Variants in FLT1 observed in about 807,000 individuals in gnomAD.
The protein encoded by FLT1 is fms related receptor tyrosine kinase 1.
A neutral mutation model predicts 156.3 loss-of-function variants in FLT1; 49 were observed. The ratio of observed to expected loss-of-function variants is 0.31; its 90% confidence interval spans 0.25 to 0.40. FLT1 has a LOEUF of 0.40. FLT1 is among the 10% of genes least tolerant of loss of function. The pLI is 1.00. For synonymous variants in FLT1, 594 were observed against 583.8 expected (o/e 1.02, Z -0.25); for missense variants, 1,322 against 1,637.2 (o/e 0.81, Z 3.32).
intron 6 of FLT1, among the ~76,000 whole-genome samples, chr13:28,431,903 G>C (rs111266059): frequency 0.015 from 2,028 of 131,508 alleles, 58 homozygotes; most frequent in African/African-American, 0.053. Context: ...GTGGAATAAT[G>C]CTATAGTTTC....
intron 14 of FLT1, chr13:28,368,668 G>A: frequency 1.1e-6 from 1 of 881,942 alleles, no homozygotes; most frequent in Non-Finnish European, 1.9e-6. Flanking sequence ...ACAGTTCTAG[G>A]TACACAGTAA....
Position 28,369,705 on chromosome 13 carries a change from A to G in FLT1, c.2117-12020T>C, listed in dbSNP as rs533264523. ...AAAAGAAAAAAAGTTGACGTATGGG[A>G]TAATTTGAGACACAGTGAAAAGCAG... On this transcript the variant is annotated intron_variant, in intron 14 of 29. Transcript: ENST00000282397. Among the ~76,000 whole-genome samples the G allele has an allele frequency of 4.6e-5, 7 of 152,326 alleles. No homozygotes were observed. The South Asian group carries it at 1.4e-3, about 32-fold the overall frequency.
intron 3 of FLT1, among the ~76,000 whole-genome samples, chr13:28,459,600 G>A (rs1427171185): frequency 1.3e-5 from 2 of 152,158 alleles, no homozygotes. Flanking sequence ...ATAACGTCAT[G>A]GATTTCCTAA....
intron 27 of FLT1, among the ~76,000 whole-genome samples, chr13:28,310,754 T>A (rs1370272792): frequency 6.6e-6 from 1 of 152,208 alleles, no homozygotes; most frequent in South Asian, 2.1e-4. Context: ...GCTTTGTTTG[T>A]TTAGTTTTAT....
At position 28,300,858 on chromosome 13, in the gene FLT1, T is replaced by C. The variant is rs1870485444; in HGVS notation, c.*2309A>G. The C allele has an allele frequency of 4.3e-6, 1 of 233,244 alleles. No homozygotes were observed. Among genetic ancestry groups the C allele is most frequent in the Non-Finnish European group, 8.5e-6 (1 of 118,030 alleles). 14.4% of individuals were successfully genotyped at this position (233,244 alleles called of 1,614,324 possible). The stretch of plus-strand genomic sequence containing the variant: ...TGGCAAATGATTGGAATATTATCAG[T>C]TAATTCATGTTTCAATTTTCAGTGC... On this transcript the variant is annotated 3_prime_UTR_variant, in exon 30 of 30. Transcript: ENST00000282397.
chr13:28,314,618 C>T (rs1361991490), intron 25 of FLT1, among the ~76,000 whole-genome samples: 1 of 152,154 alleles, frequency 6.6e-6, no homozygotes, highest in Non-Finnish European at 1.5e-5. Flanking sequence ...CCCAAATACA[C>T]ACCGCTTTAG....
intron 16 of FLT1, among the ~76,000 whole-genome samples, chr13:28,342,323 C>T (rs933713475): frequency 6.6e-6 from 1 of 152,150 alleles, no homozygotes; most frequent in Non-Finnish European, 1.5e-5. Flanking sequence ...CTGTCTCAAG[C>T]CTTGCTTTCT....
Position 28,314,399 on chromosome 13 carries a change from GA to G in FLT1, c.3387-2302del, listed in dbSNP as rs1004678433. Among the ~76,000 whole-genome samples the G allele has an allele frequency of 2.9e-3, 428 of 147,082 alleles. 1 individual carries two copies. Among genetic ancestry groups the G allele is most frequent in the African/African-American group, 9.5e-3 (381 of 40,150 alleles). On this transcript the variant is annotated intron_variant, in intron 25 of 29. Transcript: ENST00000282397. The stretch of plus-strand genomic sequence containing the variant: ...CATCTCAGCAAACATCAAATGAAAA[GA>G]AAAAAAAAATAAAAAAATTCATTGC...
chr13:28,466,075 G>A (rs769057010), intron 3 of FLT1, among the ~76,000 whole-genome samples: 12 of 151,914 alleles, frequency 7.9e-5, no homozygotes, highest in South Asian at 2.1e-4. Flanking sequence ...GTGTGTGTGC[G>A]TTTTTTTCTT....
chr13:28,311,872 C>T, intron 26 of FLT1, 121 bp downstream of exon 26: 1 of 1,089,924 alleles, frequency 9.2e-7, no homozygotes, highest in Non-Finnish European at 1.4e-6. Context: ...CACACACACA[C>T]ACCCTTTTTT....
At chr13:28,450,798 C>T (rs1308268923) in intron 3 of FLT1, among the ~76,000 whole-genome samples, 1 of 152,194 alleles carries the variant, frequency 6.6e-6, no homozygotes, top group African/African-American at 2.4e-5. Context: ...GACTGTCCCA[C>T]AAGCACAGGA....
chr13:28,353,072 G>A (rs572050519), intron 15 of FLT1, among the ~76,000 whole-genome samples: 1 of 152,260 alleles, frequency 6.6e-6, no homozygotes, highest in South Asian at 2.1e-4. Context: ...GTGACAACGT[G>A]CAATCGTTTG....
At chr13:28,480,290 G>A (rs1880763385) in intron 1 of FLT1, among the ~76,000 whole-genome samples, 2 of 151,506 alleles carry the variant, frequency 1.3e-5, no homozygotes, top group African/African-American at 2.4e-5. Flanking sequence ...TTTTTTGAAC[G>A]TATACCGATA....
intron 9 of FLT1, 44 bp downstream of exon 9, chr13:28,427,708 T>A: frequency 1.3e-6 from 2 of 1,537,396 alleles, no homozygotes; most frequent in Non-Finnish European, 1.8e-6. Flanking sequence ...TTCACTAATT[T>A]GTTGCCTACC....
chr13:28,368,410 C>T, intron 14 of FLT1: 33 of 1,414,474 alleles, frequency 2.3e-5, no homozygotes, highest in Non-Finnish European at 3.0e-5. Context: ...CCTTGGCCTC[C>T]CAAAGTGCTG....
rs2138859344 is a variant in FLT1 at position 28,345,511 on chromosome 13, T to C, written c.2289A>G (p.Thr763=). ...DKSNLELITL[T]CTCVAATLFW... ...AGAGAGTCGCAGCCACACAGGTGCA[T>C]GTTAGAGTGATCAGCTCCAGATTAG... The change falls in exon 16 of 30, where the codon ACA becomes ACG. Residue 763 remains threonine (T), a synonymous_variant. Transcript: ENST00000282397. 18 of 1,613,160 alleles carry C rather than the reference T, an allele frequency of 1.1e-5. No homozygotes were observed. The highest frequency in any genetic ancestry group is 1.5e-5 in the Non-Finnish European group (18 of 1,179,446).
chr13:28,467,222 G>A (rs1256829645), intron 2 of FLT1, 93 bp from the exon 3 acceptor site: 2 of 962,414 alleles, frequency 2.1e-6, no homozygotes, highest in Non-Finnish European at 3.3e-6. Context: ...GGAAGCGGAG[G>A]TCCTCTCTTA....
At chr13:28,308,479 C>T (rs1433907408) in intron 28 of FLT1, 9 of 334,450 alleles carry the variant, frequency 2.7e-5, no homozygotes, top group South Asian at 8.3e-5. Context: ...CTTGCAGGAA[C>T]GCGCTCTCTG....
chr13:28,307,543 A>G (rs1479203096), intron 28 of FLT1, among the ~76,000 whole-genome samples: 2 of 152,282 alleles, frequency 1.3e-5, no homozygotes, highest in Non-Finnish European at 2.9e-5. Flanking sequence ...GTCAAACAAG[A>G]TATCCATATA....
Sources: gnomAD v4.1 joint callset for allele counts (sites outside exome capture counted in the v4.1 genomes callset) on GRCh38, gnomAD v4.1.1 for gene constraint, MANE v1.5 for transcripts, NCBI Gene and HGNC (gene_info 2026-07-23, HGNC 2026-07-21) for gene names.